SHISA9: variants seen among roughly 807,000 people sequenced by gnomAD.
The protein encoded by SHISA9 is shisa family member 9, also known as protein shisa-9.
A neutral mutation model predicts 38.0 loss-of-function variants in SHISA9; 13 were observed. The observed-to-expected ratio is 0.34, with a 90% CI of 0.22 to 0.54. The LOEUF is 0.54. SHISA9 is among the 20% of genes least tolerant of loss of function. The pLI, the probability that SHISA9 is intolerant of heterozygous loss-of-function variation, is 0.91. For missense variants in SHISA9, 538 were observed against 575.8 expected (o/e 0.93, Z 0.67); for synonymous variants, 275 against 242.0 (o/e 1.14, Z -1.27).
the SHISA9 span, among the ~76,000 whole-genome samples, chr16:13,315,814 C>G: frequency 1.3e-5 from 2 of 152,062 alleles, no homozygotes; most frequent in Non-Finnish European, 2.9e-5. Context: ...AGGAGGGTCA[C>G]ACATTTAAGA....
At chr16:13,208,607 A>G (rs555156545) in intron 3 of SHISA9, among the ~76,000 whole-genome samples, 3 of 151,940 alleles carry the variant, frequency 2.0e-5, no homozygotes, top group Non-Finnish European at 2.9e-5. Flanking sequence ...TAACTGCAGA[A>G]TGGTTTCTGT....
At chr16:13,485,491 T>G in the SHISA9 span, among the ~76,000 whole-genome samples, 3 of 152,208 alleles carry the variant, frequency 2.0e-5, no homozygotes, top group Non-Finnish European at 2.9e-5. Flanking sequence ...TTTTCCTTTT[T>G]TATTGATATA....
intron 2 of SHISA9, among the ~76,000 whole-genome samples, chr16:13,159,970 A>G (rs2050581122): frequency 6.6e-6 from 1 of 152,266 alleles, no homozygotes; most frequent in Non-Finnish European, 1.5e-5. Context: ...CTGCTGTCAG[A>G]TAATTTTCCA....
At chr16:13,129,433 A>G (rs946943820) in intron 2 of SHISA9, among the ~76,000 whole-genome samples, 3 of 152,150 alleles carry the variant, frequency 2.0e-5, no homozygotes, top group African/African-American at 7.2e-5. Context: ...AGAGTGAAAG[A>G]CTGGGGACTA....
At chr16:13,278,298 T>A in the SHISA9 span, among the ~76,000 whole-genome samples, 1 of 152,110 alleles carries the variant, frequency 6.6e-6, no homozygotes, top group African/African-American at 2.4e-5. Context: ...TTTTTTGATA[T>A]GTTGTTGGAT....
intron 2 of SHISA9, among the ~76,000 whole-genome samples, chr16:12,951,220 C>CAAA (rs1567350239): frequency 2.6e-5 from 2 of 77,682 alleles, no homozygotes; most frequent in Admixed American, 1.6e-4. Context: ...GACTCCTTCT[C>CAAA]CAAAAAAAAA....
chr16:13,379,846 G>T, the SHISA9 span, among the ~76,000 whole-genome samples: 121 of 151,954 alleles, frequency 8.0e-4, no homozygotes, highest in African/African-American at 2.6e-3. Context: ...TTAAAATACC[G>T]CCTTAATTAA....
intron 2 of SHISA9, among the ~76,000 whole-genome samples, chr16:13,164,136 T>C (rs2050617138): frequency 6.6e-6 from 1 of 152,112 alleles, no homozygotes; most frequent in African/African-American, 2.4e-5. Context: ...TAGATGTCCG[T>C]TATCAGTTTG....
chr16:12,956,789 G>T (rs868328222), intron 2 of SHISA9, among the ~76,000 whole-genome samples: 3 of 152,012 alleles, frequency 2.0e-5, no homozygotes, highest in Admixed American at 1.3e-4. Flanking sequence ...GCAGTATTTG[G>T]GTGATGGGTA....
chr16:13,503,663 A>C, the SHISA9 span, among the ~76,000 whole-genome samples: 1 of 147,144 alleles, frequency 6.8e-6, no homozygotes, highest in African/African-American at 2.5e-5. Flanking sequence ...TCACAGGGCC[A>C]GCGTTCTTGA....
intron 2 of SHISA9, among the ~76,000 whole-genome samples, chr16:13,127,546 A>T (rs1337059103): frequency 6.6e-6 from 1 of 151,876 alleles, no homozygotes; most frequent in South Asian, 2.1e-4. Flanking sequence ...GAGAAGCGGA[A>T]CTTGGAAGGG....
intron 2 of SHISA9, among the ~76,000 whole-genome samples, chr16:12,930,890 T>C (rs561296454): frequency 1.7e-3 from 256 of 152,246 alleles, no homozygotes; most frequent in African/African-American, 5.7e-3. Context: ...CAATTTCATA[T>C]CCTATAATAA....
At chr16:12,967,668 TA>T (rs578126631) in intron 2 of SHISA9, among the ~76,000 whole-genome samples, 87 of 142,494 alleles carry the variant, frequency 6.1e-4, no homozygotes, top group Middle Eastern at 3.6e-3. Context: ...GTGCATCAAA[TA>T]AAAAAAAAAA....
chr16:13,239,161 T>C lies in SHISA9; in HGVS notation c.*3752T>C, dbSNP rs2051414267. On this transcript the variant is annotated 3_prime_UTR_variant, in exon 5 of 5. Transcript: ENST00000558583. Reference sequence around the variant, plus strand: ...TTCATCCATGTCCCTACAAAGGACATGAACTCATCATTTTTTATGGCTGCA... The same window carrying C: ...TTCATCCATGTCCCTACAAAGGACACGAACTCATCATTTTTTATGGCTGCA... 1.3e-5 allele frequency: 2 copies of C among 151,876 alleles called. No homozygotes were observed. Among genetic ancestry groups the C allele is most frequent in the Admixed American group, 6.6e-5 (1 of 15,250 alleles). The allele number at this position is 151,876 out of a possible 1,614,324, so 9.4% of individuals were successfully genotyped here.
In SHISA9 at chr16:13,125,266, A is replaced by G. The variant is rs117930167; in HGVS notation, c.692-78128A>G. Among the ~76,000 whole-genome samples the G allele has an allele frequency of 6.4e-3, 982 of 152,314 alleles. 5 individuals are homozygous for G. Among genetic ancestry groups the G allele is most frequent in the Non-Finnish European group, 9.2e-3 (628 of 68,018 alleles). ...ATATATAAGGAGCACAAACAACTCT[A>G]TAGGAATAAAACTAATAATCTCATA... On this transcript the variant is annotated intron_variant, in intron 2 of 4. Coordinates refer to ENST00000558583, the MANE Select transcript of SHISA9 (RefSeq NM_001145204.3).
At chr16:13,485,656 A>G in the SHISA9 span, among the ~76,000 whole-genome samples, 1 of 152,122 alleles carries the variant, frequency 6.6e-6, no homozygotes, top group East Asian at 1.9e-4. Flanking sequence ...AGAACATTTC[A>G]ATTCTTCTCT....
At chr16:13,217,267 GA>G (rs2051179057) in intron 4 of SHISA9, among the ~76,000 whole-genome samples, 1 of 152,020 alleles carries the variant, frequency 6.6e-6, no homozygotes, top group Non-Finnish European at 1.5e-5. Flanking sequence ...GACAGAGTGA[GA>G]CTCCGTCTCA....
intron 2 of SHISA9, among the ~76,000 whole-genome samples, chr16:13,071,615 C>T (rs1197464330): frequency 7.2e-6 from 1 of 139,710 alleles, no homozygotes; most frequent in Non-Finnish European, 1.5e-5. Context: ...TCTTCCCTTC[C>T]TTCCCTCCCT....
At chr16:13,177,496 G>A (rs1455075102) in intron 2 of SHISA9, among the ~76,000 whole-genome samples, 1 of 152,116 alleles carries the variant, frequency 6.6e-6, no homozygotes, top group Non-Finnish European at 1.5e-5. Flanking sequence ...CACCTCATGT[G>A]AATTAGGCAA....
Sources: gnomAD v4.1 joint callset for allele counts (sites outside exome capture counted in the v4.1 genomes callset) on GRCh38, gnomAD v4.1.1 for gene constraint, MANE v1.5 for transcripts, NCBI Gene and HGNC (gene_info 2026-07-23, HGNC 2026-07-21) for gene names.